Variants in SMAD2 observed in about 807,000 individuals in gnomAD.
SMAD2 encodes the protein MAD homolog 2.
Under a neutral mutation model 64.4 loss-of-function variants are expected in SMAD2, and 8 were observed. That is an observed-to-expected ratio of 0.12 (90% CI 0.07 to 0.22). The LOEUF (loss-of-function observed/expected upper bound fraction) is 0.22. Ranked by LOEUF, SMAD2 falls within the 10% of genes least tolerant of loss-of-function variation. SMAD2 has a pLI of 1.00. For synonymous variants in SMAD2, 203 were observed against 195.8 expected, an observed-to-expected ratio of 1.04 and a Z score of -0.31; for missense variants, 289 against 561.2, an observed-to-expected ratio of 0.51 and a Z score of 4.90.
At chr18:47,852,153 C>G (rs556815967) in intron 6 of SMAD2, among the ~76,000 whole-genome samples, 20 of 152,240 alleles carry the variant, frequency 1.3e-4, no homozygotes, top group Admixed American at 3.3e-4. Flanking sequence ...TGATCATTTT[C>G]TTACTGATTG....
intron 2 of SMAD2, among the ~76,000 whole-genome samples, chr18:47,888,124 G>A (rs1394291168): frequency 6.6e-6 from 1 of 151,810 alleles, no homozygotes; most frequent in Non-Finnish European, 1.5e-5. Context: ...ATAACATTCT[G>A]CTATAGTTCC....
At chr18:47,910,160 T>C (rs1431635099) in intron 1 of SMAD2, among the ~76,000 whole-genome samples, 1 of 132,562 alleles carries the variant, frequency 7.5e-6, no homozygotes, top group Admixed American at 8.1e-5. Context: ...TCATAAGAGA[T>C]TGTGGATATG....
rs2144475059 is a variant in SMAD2 at position 47,896,686 on chromosome 18, C to T, written c.71G>A (p.Gly24Glu). 1.2e-6 allele frequency: 2 copies of T among 1,614,128 alleles called. No homozygotes were observed. The highest frequency in any genetic ancestry group is 1.7e-5 in the Admixed American group (1 of 60,008). The change falls in exon 2 of 11, where the codon GGG (glycine) becomes GAG (glutamate). Residue 24 changes from glycine (G) to glutamate (E), a missense_variant. Gly to Glu is a moderately conservative substitution (Grantham distance 98). Transcript: ENST00000262160. ...CTCTCCTCCGCCTGCTCCTCCAGAC[C>T]CACCAGCTGACTTCTTCCATCCCAG... The part of the protein sequence containing the change: ...RLLGWKKSAG[G>E]SGGAGGGEQN...
chr18:47,834,845 A>C lies in SMAD2; in HGVS notation c.*6982T>G, dbSNP rs932122372. 2.3e-5 allele frequency: 5 copies of C among 219,588 alleles called. No homozygotes were observed. Among genetic ancestry groups the C allele is most frequent in the Non-Finnish European group, 4.6e-5 (5 of 109,428 alleles). The allele number at this position is 219,588 out of a possible 1,614,324, so 13.6% of individuals were successfully genotyped here. ...TGTCTTTTCTTTCTTTTTTAGGTGA[A>C]AATATTCTATGCCAACTGTTTTCCA... On this transcript the variant is annotated 3_prime_UTR_variant, in exon 11 of 11. Coordinates refer to ENST00000262160, the MANE Select transcript of SMAD2 (RefSeq NM_005901.6).
chr18:47,913,185 C>T (rs935610466), intron 1 of SMAD2, among the ~76,000 whole-genome samples: 1 of 152,152 alleles, frequency 6.6e-6, no homozygotes, highest in African/African-American at 2.4e-5. Context: ...CCTCCCAAAG[C>T]ACAGGGATTA....
At chr18:47,883,729 T>C (rs1261017751) in intron 2 of SMAD2, among the ~76,000 whole-genome samples, 1 of 152,240 alleles carries the variant, frequency 6.6e-6, no homozygotes, top group African/African-American at 2.4e-5. Context: ...GCTGATCACC[T>C]GTCATTTGTA....
chr18:47,881,389 T>C (rs1416289581), intron 2 of SMAD2, among the ~76,000 whole-genome samples: 1 of 152,202 alleles, frequency 6.6e-6, no homozygotes, highest in Admixed American at 6.5e-5. Flanking sequence ...ACACCCCTAT[T>C]TGTCTGCTGC....
At chr18:47,914,043 T>C (rs889355480) in intron 1 of SMAD2, among the ~76,000 whole-genome samples, 6 of 152,240 alleles carry the variant, frequency 3.9e-5, no homozygotes, top group African/African-American at 1.4e-4. Flanking sequence ...CCTGAACTTG[T>C]AGTAAAGCCT....
intron 6 of SMAD2, among the ~76,000 whole-genome samples, chr18:47,859,176 A>C (rs2030968464): frequency 6.6e-6 from 1 of 152,300 alleles, no homozygotes; most frequent in African/African-American, 2.4e-5. Context: ...CTAATAACAG[A>C]GGTTAAAGAC....
chr18:47,874,468 G>A (rs1004743959), intron 2 of SMAD2, among the ~76,000 whole-genome samples: 4 of 151,988 alleles, frequency 2.6e-5, no homozygotes, highest in African/African-American at 4.8e-5. Context: ...TTAAAACACT[G>A]GTATATGCAT....
intron 2 of SMAD2, among the ~76,000 whole-genome samples, chr18:47,877,754 G>A (rs2032349140): frequency 6.6e-6 from 1 of 151,368 alleles, no homozygotes; most frequent in Non-Finnish European, 1.5e-5. Flanking sequence ...AGGTGCAAAT[G>A]ATTTTTTAAG....
intron 1 of SMAD2, among the ~76,000 whole-genome samples, chr18:47,905,196 G>GA (rs2033853768): frequency 6.6e-6 from 1 of 152,066 alleles, no homozygotes; most frequent in African/African-American, 2.4e-5. Flanking sequence ...TTTGGAAAAT[G>GA]AAATTTCAAG....
chr18:47,867,649 T>C (rs1374216694), intron 5 of SMAD2, among the ~76,000 whole-genome samples: 1 of 150,410 alleles, frequency 6.6e-6, no homozygotes, highest in African/African-American at 2.4e-5. Context: ...AAAGTATTAG[T>C]TGTTCTCCAA....
chr18:47,825,754 C>T lies in SMAD2; in HGVS notation c.*16073G>A, dbSNP rs910262552. On this transcript the variant is annotated 3_prime_UTR_variant, in exon 11 of 11. Transcript: ENST00000262160. ...CCTCCTTGGAAGCAGAAACTTGACT[C>T]TCCGGGCAAGATAACTGTTGTCTTT... is the stretch of plus-strand genomic sequence containing the variant. The T allele has an allele frequency of 6.6e-6, 1 of 152,230 alleles. No individual in the cohort carries two copies. Among genetic ancestry groups the T allele is most frequent in the Non-Finnish European group, 1.5e-5 (1 of 68,042 alleles). 9.4% of individuals were successfully genotyped at this position (152,230 alleles called of 1,614,324 possible). A position where few individuals can be genotyped will look rare whatever the true frequency, so the allele number is the denominator to read the frequency against.
chr18:47,918,185 C>T (rs932520610), intron 1 of SMAD2, among the ~76,000 whole-genome samples: 4 of 152,148 alleles, frequency 2.6e-5, no homozygotes, highest in Admixed American at 1.3e-4. Flanking sequence ...TCTGCCTCAA[C>T]GTTTACTTTC....
rs2144251934 is a variant in SMAD2, at chr18:47,830,701, T to C, written c.*11126A>G. ...ATGGTACTTATGTAGTTTGATCAAA[T>C]ACTGCCACAATATAGTTTAGAGGCA... On this transcript the variant is annotated 3_prime_UTR_variant, in exon 11 of 11. Coordinates refer to ENST00000262160, the MANE Select transcript of SMAD2 (RefSeq NM_005901.6). The C allele has an allele frequency of 6.5e-6, 1 of 152,968 alleles. No individual in the cohort carries two copies. Among genetic ancestry groups the C allele is most frequent in the South Asian group, 2.1e-4 (1 of 4,832 alleles). The allele number at this position is 152,968 out of a possible 1,614,324, so 9.5% of individuals were successfully genotyped here.
Position 47,809,788 on chromosome 18 carries a change from T to C in SMAD2, c.*32039A>G, listed in dbSNP as rs1402405780. ...AGGCAGATGTTATTTTTTCCCACTA[T>C]GTACCTGTTACTTGGGTGGAGATTT... On this transcript the variant is annotated 3_prime_UTR_variant, in exon 11 of 11. Coordinates refer to ENST00000262160, the MANE Select transcript of SMAD2 (RefSeq NM_005901.6). 1 of 152,234 alleles carries C rather than the reference T, an allele frequency of 6.6e-6. No individual in the cohort carries two copies. The highest frequency in any genetic ancestry group is 2.4e-5 in the African/African-American group (1 of 41,456). The allele number at this position is 152,234 out of a possible 1,614,324, so 9.4% of individuals were successfully genotyped here. A position where few individuals can be genotyped will look rare whatever the true frequency, so the allele number is the denominator to read the frequency against.
chr18:47,880,948 C>A (rs2032550733), intron 2 of SMAD2, among the ~76,000 whole-genome samples: 1 of 152,172 alleles, frequency 6.6e-6, no homozygotes, highest in Admixed American at 6.5e-5. Flanking sequence ...ACTCTCCTTG[C>A]TGATATTCAC....
At chr18:47,899,872 A>C (rs111961688) in intron 1 of SMAD2, among the ~76,000 whole-genome samples, 3 of 152,156 alleles carry the variant, frequency 2.0e-5, no homozygotes, top group African/African-American at 7.2e-5. Flanking sequence ...ATATTTGCAA[A>C]AAGTAACAGT....
Sources: gnomAD v4.1 joint callset for allele counts (sites outside exome capture counted in the v4.1 genomes callset) on GRCh38, gnomAD v4.1.1 for gene constraint, MANE v1.5 for transcripts, NCBI Gene and HGNC (gene_info 2026-07-23, HGNC 2026-07-21) for gene names.